The following ACTN1 variants were observed in gnomAD, a reference collection of about 807,000 sequenced individuals.
ACTN1 encodes alpha-actinin-1.
In ACTN1, 30 loss-of-function variants were observed where a neutral mutation model predicts 119.6. The observed-to-expected ratio is 0.25, with a 90% confidence interval of 0.19 to 0.34. ACTN1 has a LOEUF of 0.34. Ranked by LOEUF, ACTN1 falls within the 10% of genes least tolerant of loss-of-function variation. ACTN1 has a pLI of 1.00. For synonymous variants in ACTN1, 429 were observed against 472.6 expected (o/e 0.91, Z 1.20); for missense variants, 764 against 1,223.4 (o/e 0.62, Z 5.60).
intron 7 of ACTN1, among the ~76,000 whole-genome samples, chr14:68,904,224 A>G (rs2033525177): frequency 6.6e-6 from 1 of 152,134 alleles, no homozygotes; most frequent in Non-Finnish European, 1.5e-5. Context: ...AGCCCCAGTC[A>G]GAGCTGGGGC....
chr14:68,965,565 G>A (rs1594880791), intron 1 of ACTN1, among the ~76,000 whole-genome samples: 3 of 152,186 alleles, frequency 2.0e-5, no homozygotes, highest in African/African-American at 7.2e-5. Flanking sequence ...AGACACACCT[G>A]GAGCACCCAG....
At position 68,885,573 on chromosome 14, in the gene ACTN1, T is replaced by C; in HGVS notation, c.1237A>G (p.Lys413Glu). 1 of 1,612,762 alleles carries C rather than the reference T, an allele frequency of 6.2e-7. No homozygotes were observed. Among genetic ancestry groups the C allele is most frequent in the Non-Finnish European group, 8.5e-7 (1 of 1,179,952 alleles). The change falls in exon 12 of 22, where the codon AAA becomes GAA. Residue 413 changes from lysine to glutamate, a missense_variant and splice_region_variant. By Grantham distance (56) the Lys-to-Glu change is moderately conservative. Coordinates refer to ENST00000394419, the MANE Select transcript of ACTN1 (RefSeq NM_001130004.2). This position sits in a 1 kb window ranked among gnomAD's most constrained non-coding sequence, Gnocchi z 5.6. ...ASIHEAWTDG[K>E]EAMLRQKDYE... The stretch of plus-strand genomic sequence containing the variant: ...TCCTTCTGTCGCAGCATGGCCTCTT[T>C]GCCTGGGTTGAGAGAGGGCCACATG...
intron 1 of ACTN1, among the ~76,000 whole-genome samples, chr14:68,944,817 C>T (rs954498399): frequency 2.0e-5 from 3 of 152,102 alleles, no homozygotes; most frequent in Non-Finnish European, 2.9e-5. Context: ...AATAATTACA[C>T]CAGCATAACA....
rs552368880 is a variant in ACTN1, at chr14:68,879,282, G to A, written c.2281-213C>T. Among the ~76,000 whole-genome samples, 22 of 152,146 alleles carry A rather than the reference G, an allele frequency of 1.4e-4. No homozygotes were observed. Among genetic ancestry groups the A allele is most frequent in the African/African-American group, 4.8e-4 (20 of 41,506 alleles). On this transcript the variant is annotated intron_variant, in intron 18 of 21. Coordinates refer to ENST00000394419, the MANE Select transcript of ACTN1 (RefSeq NM_001130004.2). The surrounding 1 kb of genome is among the most constrained non-coding windows in gnomAD (Gnocchi z 4.9). ...AGGGGGTGCCCTCCCCCCAGCACAC[G>A]CAGCCCTGCTCCAGGGAGCAGGACC...
At position 68,878,293 on chromosome 14, in the gene ACTN1, C is replaced by T. The variant is rs533435948; in HGVS notation, c.2427+165G>A. ...GATACACACACGCCCGTGGCCGGGC[C>T]GGCTTTCAGGGAGCCATCTTCCCCA... On this transcript the variant is annotated intron_variant, in intron 20 of 21. Transcript: ENST00000394419. This position sits in a 1 kb window ranked among gnomAD's most constrained non-coding sequence, Gnocchi z 4.4. 1.1e-4 allele frequency: 110 copies of T among 1,040,964 alleles called. 1 individual carries two copies. The highest frequency in any genetic ancestry group is 8.4e-4 in the African/African-American group (52 of 62,196). The allele number at this position is 1,040,964 out of a possible 1,614,324, so 64.5% of individuals were successfully genotyped here.
chr14:68,875,190 C>A, intron 21 of ACTN1, 173 bp from the exon 22 acceptor site: 1 of 1,471,866 alleles, frequency 6.8e-7, no homozygotes, highest in Non-Finnish European at 9.0e-7. Flanking sequence ...GTACATACCG[C>A]ATACACAACA....
chr14:68,897,301 T>G (rs1255852635), intron 8 of ACTN1, among the ~76,000 whole-genome samples: 1 of 152,234 alleles, frequency 6.6e-6, no homozygotes. Context: ...TCATGTTTTT[T>G]TATGACCTAC....
chr14:68,901,249 G>GTTTTTTTTTTTT (rs564351239), intron 8 of ACTN1, among the ~76,000 whole-genome samples: 13 of 103,494 alleles, frequency 1.3e-4, no homozygotes, highest in South Asian at 7.0e-4. Context: ...TTTTTGTTTT[G>GTTTTTTTTTTTT]TTTTTTTTTT....
rs369951136 is a variant in ACTN1 at position 68,885,556 on chromosome 14, T to C, written c.1254A>G (p.Arg418=). ...GGGTGGCGGTCTCATAGTCCTTCTG[T>C]CGCAGCATGGCCTCTTTGCCTGGGT... is the stretch of plus-strand genomic sequence containing the variant. ...AWTDGKEAML[R]QKDYETATLS... The change falls in exon 12 of 22, where the codon CGA becomes CGG. Residue 418 remains arginine (R), a synonymous_variant. Coordinates refer to ENST00000394419, the MANE Select transcript of ACTN1 (RefSeq NM_001130004.2). This position sits in a 1 kb window ranked among gnomAD's most constrained non-coding sequence, Gnocchi z 5.6. 6.2e-7 allele frequency: 1 copy of C among 1,613,480 alleles called. No homozygotes were observed. The highest frequency in any genetic ancestry group is 8.5e-7 in the Non-Finnish European group (1 of 1,179,962).
intron 8 of ACTN1, among the ~76,000 whole-genome samples, chr14:68,898,994 CACACACCCT>C (rs1353558408): frequency 6.8e-6 from 1 of 148,124 alleles, no homozygotes; most frequent in Non-Finnish European, 1.5e-5. Flanking sequence ...CCTCACACCA[CACACACCCT>C]ACACCTCACA....
chr14:68,935,260 G>T (rs2035433897), intron 1 of ACTN1, among the ~76,000 whole-genome samples: 1 of 151,936 alleles, frequency 6.6e-6, no homozygotes, highest in Non-Finnish European at 1.5e-5. Flanking sequence ...CTGAGCTCAG[G>T]TGATCCACCT....
intron 1 of ACTN1, among the ~76,000 whole-genome samples, chr14:68,962,763 G>T (rs1271497517): frequency 6.6e-6 from 1 of 152,210 alleles, no homozygotes; most frequent in African/African-American, 2.4e-5. Context: ...GCTCTAAGCA[G>T]CCCAGGTCAA....
In ACTN1 at chr14:68,891,979, T is replaced by C. The variant is rs958124721; in HGVS notation, c.1086+74A>G. 4.5e-6 allele frequency: 7 copies of C among 1,556,648 alleles called. No individual in the cohort carries two copies. The African/African-American group carries it at 9.6e-5, about 21-fold the overall frequency. On this transcript the variant is annotated intron_variant, in intron 10 of 21. Coordinates refer to ENST00000394419, the MANE Select transcript of ACTN1 (RefSeq NM_001130004.2). ...CATCCGCACCCCCATAAAGCTGAATTTGACCACAACTAGGAGCAGCTCAGA... is the reference window on the plus strand; with the variant it reads ...CATCCGCACCCCCATAAAGCTGAATCTGACCACAACTAGGAGCAGCTCAGA...
chr14:68,929,171 G>A (rs146211769), intron 1 of ACTN1, among the ~76,000 whole-genome samples: 7 of 152,214 alleles, frequency 4.6e-5, no homozygotes, highest in East Asian at 1.9e-4. Flanking sequence ...GTGCACCTCC[G>A]CAGAGGAGGT....
intron 14 of ACTN1, 130 bp from the exon 15 acceptor site, chr14:68,883,185 T>G: frequency 9.9e-7 from 1 of 1,010,414 alleles, no homozygotes; most frequent in Non-Finnish European, 1.4e-6. Context: ...TTCTTGTGGC[T>G]GAGAACCAGG....
Position 68,883,073 on chromosome 14 carries a change from T to C in ACTN1, c.1636-18A>G. 1.9e-6 allele frequency: 3 copies of C among 1,611,574 alleles called. No homozygotes were observed. The highest frequency in any genetic ancestry group is 1.7e-6 in the Non-Finnish European group (2 of 1,178,252). On this transcript the variant is annotated intron_variant, in intron 14 of 21. Transcript: ENST00000394419. Reference sequence around the variant, plus strand: ...GTCAGTCCCTGGACAGAGATGGGAATATGTGGGCAAGAGGAACAAAGGGAG... The same window carrying C: ...GTCAGTCCCTGGACAGAGATGGGAACATGTGGGCAAGAGGAACAAAGGGAG...
In ACTN1 at chr14:68,885,058, A is replaced by G. The variant is rs888575211; in HGVS notation, c.1386-175T>C. Among the ~76,000 whole-genome samples the G allele has an allele frequency of 6.6e-6, 1 of 152,114 alleles. No individual in the cohort carries two copies. The highest frequency in any genetic ancestry group is 1.5e-5 in the Non-Finnish European group (1 of 68,000). Reference sequence around the variant, plus strand: ...CCCTCCCCTCTTTCAGGAGACTGGCAGAGAGGAGACCAAAGAAGACCCCTT... The same window carrying G: ...CCCTCCCCTCTTTCAGGAGACTGGCGGAGAGGAGACCAAAGAAGACCCCTT... On this transcript the variant is annotated intron_variant, in intron 12 of 21. Transcript: ENST00000394419. The surrounding 1 kb of genome is among the most constrained non-coding windows in gnomAD (Gnocchi z 5.6).
rs981222652 is a variant in ACTN1, at chr14:68,877,451, C to G, written c.2428-211G>C. On this transcript the variant is annotated intron_variant, in intron 20 of 21. Coordinates refer to ENST00000394419, the MANE Select transcript of ACTN1 (RefSeq NM_001130004.2). ...CAGGGTTCCCCACACCCTGCAGATGCCTGAGTTCCTCTTAGAGCAAATAAT... is the reference window on the plus strand; with the variant it reads ...CAGGGTTCCCCACACCCTGCAGATGGCTGAGTTCCTCTTAGAGCAAATAAT... 32 of 554,248 alleles carry G rather than the reference C, an allele frequency of 5.8e-5. 1 individual carries two copies. The highest frequency in any genetic ancestry group is 5.0e-5 in the South Asian group (2 of 40,070). The allele number at this position is 554,248 out of a possible 1,614,324, so 34.3% of individuals were successfully genotyped here.
Position 68,884,832 on chromosome 14 carries a change from G to A in ACTN1, c.1437C>T (p.Ile479=). ...SPSVNARCQK[I]CDQWDNLGAL... is the part of the protein sequence containing the mutation. ...CCCCCAGATTGTCCCACTGGTCACA[G>A]ATCTTTTGGCAACGGGCGTTGACAC... is the stretch of plus-strand genomic sequence containing the variant. Residue 479 remains isoleucine (I), a synonymous_variant, in exon 13 of 22, where the codon ATC becomes ATT. Transcript: ENST00000394419. 1.2e-6 allele frequency: 2 copies of A among 1,614,226 alleles called. No individual in the cohort carries two copies. The highest frequency in any genetic ancestry group is 8.5e-7 in the Non-Finnish European group (1 of 1,180,020).
Sources: allele counts gnomAD v4.1 joint callset (sites outside exome capture counted in the v4.1 genomes callset), GRCh38; gene constraint gnomAD v4.1.1; non-coding constraint Gnocchi (gnomAD v3.1); transcripts MANE v1.5; gene names NCBI Gene and HGNC (gene_info 2026-07-23, HGNC 2026-07-21).